Variants in CDH13 observed in about 807,000 individuals in gnomAD.
CDH13 encodes the protein cadherin 13, also known as cadherin-13.
A neutral mutation model predicts 63.8 loss-of-function variants in CDH13; 24 were observed. That is an observed-to-expected ratio of 0.38 (90% CI 0.27 to 0.53). The LOEUF is 0.53. CDH13 is among the 20% of genes least tolerant of loss of function. The pLI, the probability that CDH13 is intolerant of heterozygous loss-of-function variation, is 0.85. For synonymous variants in CDH13, 503 were observed against 355.3 expected (o/e 1.42, Z -4.67); for missense variants, 1,049 against 903.1 (o/e 1.16, Z -2.07).
chr16:83,506,434 T>C (rs117683033), intron 7 of CDH13, among the ~76,000 whole-genome samples: 463 of 152,326 alleles, frequency 3.0e-3, no homozygotes, highest in Non-Finnish European at 4.7e-3. Context: ...GTAACCTCCT[T>C]GATCCAAACT....
intron 1 of CDH13, among the ~76,000 whole-genome samples, chr16:82,837,286 C>A (rs375444378): frequency 6.6e-6 from 1 of 152,208 alleles, no homozygotes; most frequent in African/African-American, 2.4e-5. Context: ...GAGAGCTTGC[C>A]TACCTCAGAG....
intron 1 of CDH13, among the ~76,000 whole-genome samples, chr16:82,671,846 A>T (rs1380431774): frequency 6.6e-6 from 1 of 152,196 alleles, no homozygotes; most frequent in East Asian, 1.9e-4. Flanking sequence ...CATGGGGCAG[A>T]TATGTCCAAG....
At chr16:83,015,779 CA>C (rs1253769062) in intron 2 of CDH13, among the ~76,000 whole-genome samples, 1 of 138,288 alleles carries the variant, frequency 7.2e-6, no homozygotes, top group African/African-American at 2.7e-5. Flanking sequence ...TGGGTATGTG[CA>C]AAAAGAACAT....
At chr16:83,595,154 A>G (rs1360226083) in intron 7 of CDH13, among the ~76,000 whole-genome samples, 3 of 152,224 alleles carry the variant, frequency 2.0e-5, no homozygotes, top group Non-Finnish European at 2.9e-5. Flanking sequence ...TAAGTTTTCC[A>G]GTTTTGACAC....
intron 6 of CDH13, among the ~76,000 whole-genome samples, chr16:83,392,117 A>G (rs375935505): frequency 7.9e-5 from 12 of 152,108 alleles, no homozygotes; most frequent in East Asian, 5.8e-4. Context: ...GCACACCCCT[A>G]TACACACTGA....
intron 7 of CDH13, among the ~76,000 whole-genome samples, chr16:83,570,840 T>TTTATA (rs1904531120): frequency 1.6e-5 from 1 of 61,540 alleles, no homozygotes; most frequent in Non-Finnish European, 4.5e-5. Context: ...AAATTTATAT[T>TTTATA]TTTATATATA....
chr16:82,719,318 A>C, intron 1 of CDH13: 2 of 454,658 alleles, frequency 4.4e-6, no homozygotes, highest in Non-Finnish European at 8.8e-6. Flanking sequence ...ACTGTTACTA[A>C]AGACTTAAAG....
chr16:82,967,716 C>A (rs757620275), intron 2 of CDH13, among the ~76,000 whole-genome samples: 2 of 152,192 alleles, frequency 1.3e-5, no homozygotes, highest in Non-Finnish European at 2.9e-5. Context: ...GTGGCAAGAA[C>A]CTCATGGCAG....
intron 6 of CDH13, among the ~76,000 whole-genome samples, chr16:83,478,217 A>G (rs1217283878): frequency 1.3e-5 from 2 of 151,800 alleles, no homozygotes; most frequent in Non-Finnish European, 2.9e-5. Context: ...TCAGACATGC[A>G]GTAATTCCTT....
chr16:83,008,877 G>A (rs965185943), intron 2 of CDH13, among the ~76,000 whole-genome samples: 2 of 152,200 alleles, frequency 1.3e-5, no homozygotes, highest in Non-Finnish European at 2.9e-5. Flanking sequence ...GTTCAGCATG[G>A]CTGGGGAGGT....
chr16:82,826,215 T>C (rs2151103938), intron 1 of CDH13: 1 of 152,304 alleles, frequency 6.6e-6, no homozygotes, highest in Non-Finnish European at 1.5e-5. Flanking sequence ...TCTGAAGTAC[T>C]TTGCGATAAA....
chr16:83,185,831 T>C (rs2151749380), intron 4 of CDH13, among the ~76,000 whole-genome samples: 2 of 152,310 alleles, frequency 1.3e-5, no homozygotes, highest in East Asian at 3.9e-4. Flanking sequence ...CACTGATGGA[T>C]AGATTTATGC....
At chr16:82,847,094 A>G (rs1462731002) in intron 1 of CDH13, among the ~76,000 whole-genome samples, 3 of 151,634 alleles carry the variant, frequency 2.0e-5, no homozygotes, top group Admixed American at 1.3e-4. Flanking sequence ...TAACTCCTCT[A>G]TTTTGCCCTC....
intron 6 of CDH13, among the ~76,000 whole-genome samples, chr16:83,361,061 A>G (rs1160125667): frequency 2.6e-5 from 4 of 152,224 alleles, no homozygotes; most frequent in African/African-American, 7.2e-5. Flanking sequence ...CGAACAGTAT[A>G]TAAGCTTTCC....
At chr16:83,713,889 A>T (rs541661628) in intron 10 of CDH13, among the ~76,000 whole-genome samples, 2 of 152,302 alleles carry the variant, frequency 1.3e-5, no homozygotes, top group East Asian at 3.9e-4. Flanking sequence ...CATTACTCTC[A>T]AAGAGGCTTT....
intron 5 of CDH13, among the ~76,000 whole-genome samples, chr16:83,267,914 G>A (rs1401603786): frequency 1.3e-5 from 2 of 152,216 alleles, no homozygotes; most frequent in African/African-American, 4.8e-5. Flanking sequence ...TCATTGGCCA[G>A]ACCAAGTGAA....
At chr16:83,436,491 A>G (rs578064693) in intron 6 of CDH13, among the ~76,000 whole-genome samples, 1 of 152,156 alleles carries the variant, frequency 6.6e-6, no homozygotes, top group South Asian at 2.1e-4. Flanking sequence ...AAAAAATTAT[A>G]CAATGAATAA....
chr16:83,530,732 G>C (rs1318989197), intron 7 of CDH13, among the ~76,000 whole-genome samples: 1 of 152,190 alleles, frequency 6.6e-6, no homozygotes, highest in Non-Finnish European at 1.5e-5. Flanking sequence ...GAGGGACAGT[G>C]ACTTTCCCAA....
intron 7 of CDH13, among the ~76,000 whole-genome samples, chr16:83,497,136 T>C (rs2074164785): frequency 6.6e-6 from 1 of 152,162 alleles, no homozygotes. Flanking sequence ...GGAAGTACCA[T>C]TTGACCCAGC....
Sources: allele counts gnomAD v4.1 joint callset (sites outside exome capture counted in the v4.1 genomes callset), GRCh38; gene constraint gnomAD v4.1.1; transcripts MANE v1.5; gene names NCBI Gene and HGNC (gene_info 2026-07-23, HGNC 2026-07-21).